The following SCHIP1 variants were observed in gnomAD, a reference collection of about 807,000 sequenced individuals.
SCHIP1 encodes schwannomin interacting protein 1, also known as schwannomin-interacting protein 1.
SCHIP1 carries 8 observed loss-of-function variants against 29.7 expected under a neutral mutation model. That is an observed-to-expected ratio of 0.27 (90% CI 0.16 to 0.49). The LOEUF (loss-of-function observed/expected upper bound fraction) is 0.49, where lower values mean the gene tolerates loss of function less well. SCHIP1 is among the 20% of genes least tolerant of loss of function. The pLI, the probability that SCHIP1 is intolerant of heterozygous loss-of-function variation, is 0.99. For synonymous variants in SCHIP1, 76 were observed against 94.9 expected, an observed-to-expected ratio of 0.80 and a Z score of 1.16; for missense variants, 193 against 294.6, an observed-to-expected ratio of 0.66 and a Z score of 2.52.
chr3:159,480,358 G>A, the SCHIP1 span, among the ~76,000 whole-genome samples: 12 of 152,100 alleles, frequency 7.9e-5, no homozygotes, highest in Admixed American at 2.0e-4. Context: ...AGTTGATCCT[G>A]GGAAGTTGCC....
At chr3:159,714,380 C>G in the SCHIP1 span, among the ~76,000 whole-genome samples, 4 of 152,172 alleles carry the variant, frequency 2.6e-5, no homozygotes, top group Admixed American at 1.3e-4. Context: ...TGGGGCTTGT[C>G]GGACAGTGGG....
At chr3:159,448,663 A>G in the SCHIP1 span, among the ~76,000 whole-genome samples, 1 of 152,194 alleles carries the variant, frequency 6.6e-6, no homozygotes, top group African/African-American at 2.4e-5. Context: ...GTTTGGTGAT[A>G]ATAATCTCAA....
At chr3:159,438,746 T>G in the SCHIP1 span, among the ~76,000 whole-genome samples, 7 of 152,216 alleles carry the variant, frequency 4.6e-5, no homozygotes, top group South Asian at 1.5e-3. Context: ...TGGTATTTGG[T>G]TTTCTGTTCC....
the SCHIP1 span, among the ~76,000 whole-genome samples, chr3:159,831,421 G>T: frequency 6.6e-6 from 1 of 152,024 alleles, no homozygotes; most frequent in Admixed American, 6.5e-5. Context: ...CAGGACCCTC[G>T]GAGGATGCCT....
the SCHIP1 span, among the ~76,000 whole-genome samples, chr3:159,758,882 G>A: frequency 6.6e-6 from 1 of 152,192 alleles, no homozygotes; most frequent in Admixed American, 6.5e-5. Flanking sequence ...CCATCCCTCT[G>A]CTGCAGCTAG....
chr3:159,305,734 G>A, the SCHIP1 span, among the ~76,000 whole-genome samples: 1 of 152,174 alleles, frequency 6.6e-6, no homozygotes, highest in South Asian at 2.1e-4. Context: ...AGGTTTATTA[G>A]TTAGGTGTTA....
chr3:159,310,256 A>G, the SCHIP1 span, among the ~76,000 whole-genome samples: 1 of 152,318 alleles, frequency 6.6e-6, no homozygotes, highest in East Asian at 1.9e-4. Context: ...AAAGAGCCAC[A>G]GTCAAACTGA....
chr3:159,896,861 C>T, exon 7 of SCHIP1: 1 of 1,399,696 alleles, frequency 7.1e-7, no homozygotes. Flanking sequence ...GGCGCAGAAA[C>T]AAATATCAGT....
chr3:159,366,830 A>T, the SCHIP1 span, among the ~76,000 whole-genome samples: 1 of 152,234 alleles, frequency 6.6e-6, no homozygotes, highest in Non-Finnish European at 1.5e-5. Flanking sequence ...TTTGATAGGA[A>T]AAAAGAGTCT....
chr3:159,818,716 A>G, the SCHIP1 span, among the ~76,000 whole-genome samples: 2 of 152,270 alleles, frequency 1.3e-5, no homozygotes, highest in Admixed American at 1.3e-4. Context: ...AGCCTGTCCA[A>G]GGTCACAGAG....
chr3:159,403,929 C>G, the SCHIP1 span, among the ~76,000 whole-genome samples: 2 of 152,134 alleles, frequency 1.3e-5, no homozygotes, highest in Admixed American at 6.5e-5. Flanking sequence ...TGCTATTTGG[C>G]TACCAGCTCA....
At chr3:159,539,514 A>G in the SCHIP1 span, among the ~76,000 whole-genome samples, 3 of 135,970 alleles carry the variant, frequency 2.2e-5, 1 homozygote, top group Non-Finnish European at 5.0e-5. Context: ...TTAGTGCAAA[A>G]TGCTGTGGGT....
intron 5 of SCHIP1, among the ~76,000 whole-genome samples, chr3:159,890,264 C>CATATTCATA (rs1560098657): frequency 6.6e-6 from 1 of 152,088 alleles, no homozygotes; most frequent in African/African-American, 2.4e-5. Context: ...ATTGTTGAAG[C>CATATTCATA]TAGTTGGATA....
chr3:159,517,110 A>G, the SCHIP1 span, among the ~76,000 whole-genome samples: 21 of 152,340 alleles, frequency 1.4e-4, no homozygotes, highest in South Asian at 3.9e-3. Context: ...GTTCCCCAGA[A>G]CAATGAGTAT....
chr3:159,489,859 G>T, the SCHIP1 span, among the ~76,000 whole-genome samples: 1 of 151,846 alleles, frequency 6.6e-6, no homozygotes, highest in Admixed American at 6.6e-5. Flanking sequence ...CATATGGTCT[G>T]GTGTCTTTTA....
At chr3:159,769,146 C>T in the SCHIP1 span, among the ~76,000 whole-genome samples, 1 of 152,146 alleles carries the variant, frequency 6.6e-6, no homozygotes, top group African/African-American at 2.4e-5. Flanking sequence ...GTGCACAGGA[C>T]TGGACAGTTT....
chr3:159,419,905 A>T, the SCHIP1 span, among the ~76,000 whole-genome samples: 1 of 152,228 alleles, frequency 6.6e-6, no homozygotes, highest in Non-Finnish European at 1.5e-5. Flanking sequence ...ACTCGGTGGC[A>T]TGACTGGACA....
At chr3:159,609,398 C>T in the SCHIP1 span, among the ~76,000 whole-genome samples, 5 of 152,158 alleles carry the variant, frequency 3.3e-5, no homozygotes, top group South Asian at 2.1e-4. Flanking sequence ...TCTATTATGT[C>T]ACTTTATGTC....
chr3:159,482,909 G>A, the SCHIP1 span, among the ~76,000 whole-genome samples: 3 of 152,162 alleles, frequency 2.0e-5, no homozygotes, highest in African/African-American at 7.2e-5. Flanking sequence ...GGCAGTGGGA[G>A]AACAGAAAGG....
Sources: gnomAD v4.1 joint callset for allele counts (sites outside exome capture counted in the v4.1 genomes callset) on GRCh38, gnomAD v4.1.1 for gene constraint, MANE v1.5 for transcripts, NCBI Gene and HGNC (gene_info 2026-07-23, HGNC 2026-07-21) for gene names.